Variants in CEP128 observed in about 807,000 individuals in gnomAD.
The protein encoded by CEP128 is centrosomal protein 128kDa.
A neutral mutation model predicts 156.7 loss-of-function variants in CEP128; 132 were observed. That is an observed-to-expected ratio of 0.84 (90% CI 0.73 to 0.97). The LOEUF (loss-of-function observed/expected upper bound fraction) is 0.97, where lower values mean the gene tolerates loss of function less well. CEP128 is among the 50% of genes least tolerant of loss of function. The pLI is 0.00. For synonymous variants in CEP128, 469 were observed against 448.9 expected (o/e 1.04, Z -0.57); for missense variants, 1,252 against 1,281.9 (o/e 0.98, Z 0.36).
chr14:80,683,586 T>C (rs904058368), intron 19 of CEP128, among the ~76,000 whole-genome samples: 2 of 151,978 alleles, frequency 1.3e-5, no homozygotes, highest in African/African-American at 4.8e-5. Context: ...ACTAACAAAT[T>C]CTAGACTTAA....
chr14:80,938,782 T>C (rs1885984397), intron 2 of CEP128, among the ~76,000 whole-genome samples: 1 of 152,210 alleles, frequency 6.6e-6, no homozygotes, highest in Admixed American at 6.5e-5. Context: ...AGGACCACTA[T>C]ATTTTTTTTA....
intron 19 of CEP128, among the ~76,000 whole-genome samples, chr14:80,661,091 A>C (rs959350348): frequency 6.6e-6 from 1 of 152,194 alleles, no homozygotes; most frequent in Non-Finnish European, 1.5e-5. Context: ...GCTGAATAAA[A>C]GTTCATTTGC....
intron 18 of CEP128, among the ~76,000 whole-genome samples, chr14:80,748,448 T>C (rs1456798783): frequency 1.3e-5 from 2 of 152,080 alleles, no homozygotes; most frequent in African/African-American, 4.8e-5. Flanking sequence ...AGGCAGCAAA[T>C]TGGGCTGTTC....
chr14:80,861,849 A>C (rs540870410), intron 9 of CEP128, among the ~76,000 whole-genome samples: 63 of 152,340 alleles, frequency 4.1e-4, no homozygotes, highest in African/African-American at 1.5e-3. Context: ...TATATAGATG[A>C]AAAATGATTT....
At chr14:80,533,512 C>G (rs1225983678) in intron 21 of CEP128, among the ~76,000 whole-genome samples, 1 of 152,038 alleles carries the variant, frequency 6.6e-6, no homozygotes, top group East Asian at 1.9e-4. Context: ...TACATGAAAC[C>G]ATTCTTTTCC....
intron 20 of CEP128, among the ~76,000 whole-genome samples, chr14:80,573,217 G>A (rs1318972855): frequency 3.9e-5 from 6 of 151,944 alleles, no homozygotes; most frequent in East Asian, 3.9e-4. Context: ...GAGCCACCTC[G>A]CCCAGCCTTT....
chr14:80,836,815 ATTTG>A (rs1373228119), intron 11 of CEP128, among the ~76,000 whole-genome samples: 4 of 152,186 alleles, frequency 2.6e-5, no homozygotes, highest in African/African-American at 9.6e-5. Flanking sequence ...TCAGAAACTG[ATTTG>A]TTTATCTTTC....
At chr14:80,674,215 A>C (rs535360692) in intron 19 of CEP128, among the ~76,000 whole-genome samples, 9 of 152,312 alleles carry the variant, frequency 5.9e-5, no homozygotes, top group African/African-American at 2.2e-4. Context: ...GGAGATAACA[A>C]CAAAATAAAG....
chr14:80,889,642 A>T (rs1888985693), intron 8 of CEP128, among the ~76,000 whole-genome samples: 1 of 152,236 alleles, frequency 6.6e-6, no homozygotes, highest in African/African-American at 2.4e-5. Flanking sequence ...TGGATTAAAG[A>T]CTTAAACATA....
chr14:80,765,335 G>A (rs138415739), intron 16 of CEP128, among the ~76,000 whole-genome samples: 1,859 of 152,324 alleles, frequency 0.012, 21 homozygotes, highest in Non-Finnish European at 0.018. Context: ...TTCTGGGGGA[G>A]GGTTGGGGCT....
chr14:80,491,433 G>T (rs527975202), intron 6 of CEP128, among the ~76,000 whole-genome samples: 19 of 152,126 alleles, frequency 1.2e-4, no homozygotes, highest in Non-Finnish European at 2.4e-4. Flanking sequence ...AAGAAAGAAA[G>T]AAAAAGTCCC....
chr14:80,920,585 A>G (rs1307476923), intron 2 of CEP128, among the ~76,000 whole-genome samples: 2 of 152,230 alleles, frequency 1.3e-5, no homozygotes, highest in African/African-American at 4.8e-5. Context: ...CAGGCCTCTG[A>G]AAATATTTTC....
intron 7 of CEP128, among the ~76,000 whole-genome samples, chr14:80,897,459 C>G (rs1207930086): frequency 6.6e-6 from 1 of 152,108 alleles, no homozygotes; most frequent in Non-Finnish European, 1.5e-5. Flanking sequence ...AAATATCCAG[C>G]TGAATATTTT....
At chr14:80,906,259 T>C (rs1217657433) in intron 4 of CEP128, among the ~76,000 whole-genome samples, 178 bp from the exon 5 acceptor site, 1 of 152,224 alleles carries the variant, frequency 6.6e-6, no homozygotes, top group Admixed American at 6.5e-5. Context: ...ACAAATATTT[T>C]AAGAACCAAT....
At chr14:80,938,538 C>T (rs757383034) in intron 2 of CEP128, among the ~76,000 whole-genome samples, 26 of 152,120 alleles carry the variant, frequency 1.7e-4, no homozygotes, top group Non-Finnish European at 3.1e-4. Context: ...TGAGCCACCG[C>T]GCCCGGCCAC....
intron 19 of CEP128, among the ~76,000 whole-genome samples, chr14:80,610,036 T>A (rs1307872329): frequency 2.6e-5 from 4 of 152,238 alleles, no homozygotes; most frequent in Admixed American, 2.6e-4. Flanking sequence ...TGTGTGTGCA[T>A]GCATACAGTC....
In CEP128 at chr14:80,843,026, C is replaced by A. The variant is rs555907275; in HGVS notation, c.763-2258G>T. 3.3e-5 allele frequency among the ~76,000 whole-genome samples: 5 copies of A among 151,176 alleles called. 1 individual carries two copies. The highest frequency in any genetic ancestry group is 1.2e-4 in the African/African-American group (5 of 41,398). ...CCTTAGAGGTAGGTGATTCTAAACT[C>A]TCATAGTTATATATAATAAAAAAAA... On this transcript the variant is annotated intron_variant, in intron 9 of 24. Coordinates refer to ENST00000555265, the MANE Select transcript of CEP128 (RefSeq NM_152446.5).
rs1338868826 is a variant in CEP128 at position 80,743,897 on chromosome 14, A to G, written c.2614-630T>C. Among the ~76,000 whole-genome samples the G allele has an allele frequency of 2.1e-5, 3 of 146,196 alleles. No homozygotes were observed. The Admixed American group carries it at 2.1e-4, about 10-fold the overall frequency. ...CACTCTTTTTTTTTTTTCGAGACATAATCTCACTCTGTCGCCCGGGATAGA... is the reference window on the plus strand; with the variant it reads ...CACTCTTTTTTTTTTTTCGAGACATGATCTCACTCTGTCGCCCGGGATAGA... On this transcript the variant is annotated intron_variant, in intron 18 of 24. Coordinates refer to ENST00000555265, the MANE Select transcript of CEP128 (RefSeq NM_152446.5).
chr14:80,874,614 T>A (rs1217375710), intron 8 of CEP128, among the ~76,000 whole-genome samples: 1 of 152,034 alleles, frequency 6.6e-6, no homozygotes, highest in Non-Finnish European at 1.5e-5. Flanking sequence ...ATATTTTAAA[T>A]ATAGTTTGTT....
Sources: gnomAD v4.1 joint callset for allele counts (sites outside exome capture counted in the v4.1 genomes callset) on GRCh38, gnomAD v4.1.1 for gene constraint, MANE v1.5 for transcripts, NCBI Gene and HGNC (gene_info 2026-07-23, HGNC 2026-07-21) for gene names.